The following ST3GAL2 variants were observed in gnomAD, a reference collection of about 807,000 sequenced individuals.
The protein encoded by ST3GAL2 is ST3 beta-galactoside alpha-2,3-sialyltransferase 2, also known as CMP-N-acetylneuraminate-beta-galactosamide-alpha-2,3-sialyltransferase 2.
ST3GAL2 carries 16 observed loss-of-function variants against 37.5 expected under a neutral mutation model. The ratio of observed to expected loss-of-function variants is 0.43; its 90% confidence interval spans 0.29 to 0.65. The LOEUF is 0.65. Ranked by LOEUF, ST3GAL2 falls within the 30% of genes least tolerant of loss-of-function variation. The pLI, the probability that ST3GAL2 is intolerant of heterozygous loss-of-function variation, is 0.17. For missense variants in ST3GAL2, 383 were observed against 487.8 expected, an observed-to-expected ratio of 0.79 and a Z score of 2.02; for synonymous variants, 238 against 202.9, an observed-to-expected ratio of 1.17 and a Z score of -1.47.
At chr16:70,387,479 C>A (rs1163560535) in intron 4 of ST3GAL2, among the ~76,000 whole-genome samples, 1 of 151,368 alleles carries the variant, frequency 6.6e-6, no homozygotes, top group African/African-American at 2.4e-5. Context: ...CTCTTAAACT[C>A]GGGAGGTAGA....
chr16:70,402,051 G>A (rs1308711674), intron 1 of ST3GAL2, among the ~76,000 whole-genome samples: 1 of 140,166 alleles, frequency 7.1e-6, no homozygotes. Flanking sequence ...TGTAATCCCA[G>A]CACTTTCGGA....
Position 70,377,885 on chromosome 16 carries a change from A to C in ST3GAL2, c.*3804T>G, listed in dbSNP as rs2047361604. The C allele has an allele frequency of 6.6e-6, 1 of 152,162 alleles. No homozygotes were observed. The highest frequency in any genetic ancestry group is 1.5e-5 in the Non-Finnish European group (1 of 68,028). 9.4% of individuals were successfully genotyped at this position (152,162 alleles called of 1,614,324 possible). Reference sequence around the variant, plus strand: ...ACCTGTGGAGGCAGGGAACTCAGGAAATCAAGGAAGAAAAAGGTGTCTAGT... The same window carrying C: ...ACCTGTGGAGGCAGGGAACTCAGGACATCAAGGAAGAAAAAGGTGTCTAGT... On this transcript the variant is annotated 3_prime_UTR_variant, in exon 7 of 7. Transcript: ENST00000342907.
rs1364549504 is a variant in ST3GAL2 at position 70,395,052 on chromosome 16, C to A, written c.463G>T (p.Val155Leu). 6.2e-7 allele frequency: 1 copy of A among 1,614,026 alleles called. No individual in the cohort carries two copies. The highest frequency in any genetic ancestry group is 8.5e-7 in the Non-Finnish European group (1 of 1,179,992). The change falls in exon 3 of 7, where the codon GTG (valine) becomes TTG (leucine). Residue 155 changes from valine to leucine, a missense_variant. Val to Leu is a conservative substitution (Grantham distance 32). Coordinates refer to ENST00000342907, the MANE Select transcript of ST3GAL2 (RefSeq NM_006927.4). ...DPHQCRRCAV[V>L]GNSGNLRGSG... is the part of the protein sequence containing the mutation. Reference sequence around the variant, plus strand: ...CCCCGCAGGTTGCCCGAGTTCCCCACCACGGCACAGCGCCGGCACTGGTGG... The same window carrying A: ...CCCCGCAGGTTGCCCGAGTTCCCCAACACGGCACAGCGCCGGCACTGGTGG...
chr16:70,384,435 G>A (rs775714415), intron 4 of ST3GAL2, among the ~76,000 whole-genome samples: 2 of 152,196 alleles, frequency 1.3e-5, no homozygotes, highest in African/African-American at 4.8e-5. Context: ...GGCCGGGTGC[G>A]GTGGCTCACG....
intron 4 of ST3GAL2, among the ~76,000 whole-genome samples, chr16:70,384,347 TAAGTA>T (rs1193772715): frequency 6.6e-6 from 1 of 152,164 alleles, no homozygotes; most frequent in Non-Finnish European, 1.5e-5. Flanking sequence ...GACATTATGC[TAAGTA>T]AAGTAAGTCA....
intron 6 of ST3GAL2, among the ~76,000 whole-genome samples, chr16:70,382,113 C>T (rs1427672145): frequency 1.3e-5 from 2 of 149,782 alleles, no homozygotes; most frequent in African/African-American, 2.5e-5. Flanking sequence ...AAGCACTTGC[C>T]GGGCCTCAGC....
Position 70,381,415 on chromosome 16 carries a change from T to C in ST3GAL2, c.*274A>G. ...GAGGGAGTGGGGATTGAGCGGCCGC[T>C]GGCCCGCCCCCGAAGGCCATTGATT... is the stretch of plus-strand genomic sequence containing the variant. On this transcript the variant is annotated 3_prime_UTR_variant, in exon 7 of 7. Transcript: ENST00000342907. 2.3e-6 allele frequency: 1 copy of C among 443,480 alleles called. No individual in the cohort carries two copies. The highest frequency in any genetic ancestry group is 3.8e-5 in the Admixed American group (1 of 26,588). 27.5% of individuals were successfully genotyped at this position (443,480 alleles called of 1,614,324 possible). A position where few individuals can be genotyped will look rare whatever the true frequency, so the allele number is the denominator to read the frequency against.
At chr16:70,384,961 A>G (rs996142479) in intron 4 of ST3GAL2, among the ~76,000 whole-genome samples, 1 of 150,362 alleles carries the variant, frequency 6.7e-6, no homozygotes, top group East Asian at 2.0e-4. Flanking sequence ...GTGAGCCAAG[A>G]TCATGCCATT....
intron 6 of ST3GAL2, 62 bp from the exon 7 acceptor site, chr16:70,381,924 G>T: frequency 1.9e-6 from 3 of 1,596,286 alleles, no homozygotes; most frequent in Non-Finnish European, 2.6e-6. Context: ...CGCGGGGCGG[G>T]CTCGGGATGA....
chr16:70,389,609 C>T (rs2047468663), intron 3 of ST3GAL2, among the ~76,000 whole-genome samples: 1 of 151,948 alleles, frequency 6.6e-6, no homozygotes. Flanking sequence ...GGATTACAGG[C>T]GTTAGCCGCT....
chr16:70,381,756 T>C lies in ST3GAL2; in HGVS notation c.986A>G (p.Asp329Gly), dbSNP rs748997935. Residue 329 changes from aspartate to glycine, a missense_variant, in exon 7 of 7, where the codon GAC becomes GGC. Physicochemically the swap from Asp to Gly is moderately conservative, Grantham distance 94. Transcript: ENST00000342907. ...CATGTCGATGATGTGGGCCTCGAAG[T>C]CCGCGTCGTGCACGCCAGTCTTCCG... Reference protein sequence around the residue: ...EFRKTGVHDADFEAHIIDMLA... With the variant: ...EFRKTGVHDAGFEAHIIDMLA... 1 of 1,613,958 alleles carries C rather than the reference T, an allele frequency of 6.2e-7. No individual in the cohort carries two copies. The highest frequency in any genetic ancestry group is 8.5e-7 in the Non-Finnish European group (1 of 1,179,956).
At chr16:70,406,031 G>A (rs1184355735) in intron 1 of ST3GAL2, among the ~76,000 whole-genome samples, 3 of 150,788 alleles carry the variant, frequency 2.0e-5, no homozygotes, top group Non-Finnish European at 4.4e-5. Context: ...ACTGCACTCC[G>A]GCCTGGGCAA....
chr16:70,388,568 A>T lies in ST3GAL2; in HGVS notation c.534-22T>A, dbSNP rs759381524. 8.4e-6 allele frequency: 13 copies of T among 1,542,302 alleles called. No individual in the cohort carries two copies. In the East Asian group the frequency reaches 2.7e-4, roughly 33 times the overall value. On this transcript the variant is annotated intron_variant, in intron 3 of 6. Transcript: ENST00000342907. ...CATCCTGCAGGGACAAGAGGGTGACATGAGAATCAACTGCCATGGAAACTG... is the reference window on the plus strand; with the variant it reads ...CATCCTGCAGGGACAAGAGGGTGACTTGAGAATCAACTGCCATGGAAACTG...
intron 1 of ST3GAL2, among the ~76,000 whole-genome samples, chr16:70,429,514 G>A (rs988087532): frequency 6.7e-6 from 1 of 148,662 alleles, no homozygotes; most frequent in Non-Finnish European, 1.5e-5. Flanking sequence ...GCATGAACCC[G>A]GGAGGCGGAG....
chr16:70,384,723 AAAAC>A (rs1213561208), intron 4 of ST3GAL2, among the ~76,000 whole-genome samples: 2 of 150,262 alleles, frequency 1.3e-5, no homozygotes, highest in African/African-American at 4.9e-5. Context: ...AAAAAAAAAA[AAAAC>A]ACAATAGTCA....
intron 1 of ST3GAL2, among the ~76,000 whole-genome samples, chr16:70,422,106 G>A (rs776317530): frequency 6.6e-5 from 10 of 152,264 alleles, no homozygotes; most frequent in African/African-American, 1.7e-4. Context: ...CAATGCTGGA[G>A]GACCTTGATT....
intron 3 of ST3GAL2, among the ~76,000 whole-genome samples, chr16:70,390,503 C>G (rs1165004100): frequency 2.2e-4 from 34 of 152,204 alleles, no homozygotes. Flanking sequence ...CCCTCAGGCC[C>G]TGGGCCGGAT....
At position 70,427,391 on chromosome 16, in the gene ST3GAL2, T is replaced by G. The variant is rs868724418; in HGVS notation, c.-1004+11558A>C. The stretch of plus-strand genomic sequence containing the variant: ...TCTCACTCTGTCGCCCAGGCTGGAG[T>G]GCAGTGGTGCGATCTCGGCTCACTG... On this transcript the variant is annotated intron_variant, in intron 1 of 6. Coordinates refer to ENST00000342907, the MANE Select transcript of ST3GAL2 (RefSeq NM_006927.4). Among the ~76,000 whole-genome samples, 273 of 148,148 alleles carry G rather than the reference T, an allele frequency of 1.8e-3. 1 individual carries two copies. The highest frequency in any genetic ancestry group is 6.3e-3 in the African/African-American group (250 of 39,722).
At chr16:70,414,346 G>T (rs867608939) in intron 1 of ST3GAL2, among the ~76,000 whole-genome samples, 15 of 152,362 alleles carry the variant, frequency 9.8e-5, no homozygotes, top group South Asian at 2.1e-4. Context: ...AGTCCACAGA[G>T]GGATAGGGCA....
Sources: gnomAD v4.1 joint callset for allele counts (sites outside exome capture counted in the v4.1 genomes callset) on GRCh38, gnomAD v4.1.1 for gene constraint, MANE v1.5 for transcripts, NCBI Gene and HGNC (gene_info 2026-07-23, HGNC 2026-07-21) for gene names.